Variants in DLG2 observed in about 807,000 individuals in gnomAD.
The protein encoded by DLG2 is discs large MAGUK scaffold protein 2.
Under a neutral mutation model 132.5 loss-of-function variants are expected in DLG2, and 45 were observed. The observed-to-expected ratio is 0.34, with a 90% CI of 0.27 to 0.44. The LOEUF (loss-of-function observed/expected upper bound fraction) is 0.44. Among genes scored for constraint, DLG2 ranks in the 20% least tolerant of loss-of-function variants. The probability of loss-of-function intolerance (pLI) is 1.00; values close to 1 mark genes in which losing one functional copy is unlikely to be tolerated. For synonymous variants in DLG2, 424 were observed against 419.6 expected (o/e 1.01, Z -0.13); for missense variants, 1,045 against 1,196.9 (o/e 0.87, Z 1.87).
At chr11:84,607,558 TTAAA>T (rs1180430438) in intron 6 of DLG2, among the ~76,000 whole-genome samples, 2 of 152,064 alleles carry the variant, frequency 1.3e-5, no homozygotes, top group African/African-American at 4.8e-5. Flanking sequence ...CCTGAACTTA[TTAAA>T]TAAAGAGTCA....
rs538700159 is a variant in DLG2, at chr11:84,272,911, A to G, written c.520-21620T>C. Among the ~76,000 whole-genome samples, 52 of 152,278 alleles carry G rather than the reference A, an allele frequency of 3.4e-4. 1 individual carries two copies. In the South Asian group the frequency reaches 0.011, roughly 32 times the overall value. On this transcript the variant is annotated intron_variant, in intron 7 of 27. Transcript: ENST00000376104. ...GCCACTATTAGAAACTACTGTCTTC[A>G]GTGGGATGAGTTTGATTGGACCACT...
intron 3 of DLG2, among the ~76,000 whole-genome samples, chr11:85,550,210 T>C (rs1300309366): frequency 6.6e-6 from 1 of 152,208 alleles, no homozygotes; most frequent in Non-Finnish European, 1.5e-5. Flanking sequence ...GACGTCATAC[T>C]GGCCCTTTGC....
chr11:84,085,972 G>T (rs1398280268), intron 10 of DLG2, among the ~76,000 whole-genome samples: 1 of 152,150 alleles, frequency 6.6e-6, no homozygotes, highest in Non-Finnish European at 1.5e-5. Context: ...AAACAGAAAT[G>T]CTATTTATCA....
intron 19 of DLG2, among the ~76,000 whole-genome samples, chr11:83,551,022 T>C (rs1389110702): frequency 6.6e-6 from 1 of 152,196 alleles, no homozygotes; most frequent in Non-Finnish European, 1.5e-5. Context: ...GTGAAGATCA[T>C]GAGATGGTAA....
At chr11:85,065,804 G>C (rs1479069801) in intron 6 of DLG2, among the ~76,000 whole-genome samples, 3 of 150,776 alleles carry the variant, frequency 2.0e-5, no homozygotes, top group African/African-American at 7.3e-5. Context: ...AAATCTCTGG[G>C]GTACAGAAAA....
intron 5 of DLG2, among the ~76,000 whole-genome samples, chr11:85,121,957 G>C (rs2074378522): frequency 6.6e-6 from 1 of 152,132 alleles, no homozygotes; most frequent in African/African-American, 2.4e-5. Flanking sequence ...AGTGTTGTGT[G>C]TGTGTGTAGT....
intron 6 of DLG2, among the ~76,000 whole-genome samples, chr11:85,085,953 C>G (rs931144984): frequency 2.0e-5 from 3 of 152,108 alleles, no homozygotes; most frequent in Non-Finnish European, 4.4e-5. Flanking sequence ...TATGTCTATC[C>G]TAAGTGGTTA....
At chr11:83,883,272 T>C (rs1315599396) in intron 15 of DLG2, among the ~76,000 whole-genome samples, 6 of 152,356 alleles carry the variant, frequency 3.9e-5, no homozygotes, top group East Asian at 1.9e-4. Flanking sequence ...TTATTTCCAA[T>C]GTCTAAATTG....
intron 18 of DLG2, among the ~76,000 whole-genome samples, chr11:83,697,066 G>C (rs73509241): frequency 2.6e-5 from 4 of 152,144 alleles, no homozygotes; most frequent in Admixed American, 1.3e-4. Context: ...GGTGTTCAAC[G>C]TAAGAATAAC....
At chr11:85,166,181 A>G (rs937279166) in intron 4 of DLG2, among the ~76,000 whole-genome samples, 10 of 151,826 alleles carry the variant, frequency 6.6e-5, no homozygotes, top group African/African-American at 2.4e-4. Context: ...TTGCCACCCA[A>G]TCTCTTGAAC....
intron 7 of DLG2, among the ~76,000 whole-genome samples, chr11:84,458,733 C>T (rs988174829): frequency 3.3e-5 from 5 of 150,594 alleles, no homozygotes; most frequent in African/African-American, 9.7e-5. Context: ...GTTGCATTTA[C>T]GATTAGAATG....
At chr11:85,268,653 C>A (rs2077356138) in intron 4 of DLG2, among the ~76,000 whole-genome samples, 1 of 152,148 alleles carries the variant, frequency 6.6e-6, no homozygotes. Context: ...ATTGTTATCC[C>A]TTTTTCAGAA....
At chr11:84,466,314 C>A (rs1474264584) in intron 7 of DLG2, among the ~76,000 whole-genome samples, 1 of 151,126 alleles carries the variant, frequency 6.6e-6, no homozygotes, top group East Asian at 2.0e-4. Flanking sequence ...ATGATGCAAA[C>A]ATATGTGCTC....
intron 6 of DLG2, among the ~76,000 whole-genome samples, chr11:85,086,915 T>C (rs2068006776): frequency 6.6e-6 from 1 of 152,234 alleles, no homozygotes; most frequent in Admixed American, 6.5e-5. Flanking sequence ...ACAGTAAGTT[T>C]AACATAATAC....
rs145318687 is a variant in DLG2 at position 84,187,058 on chromosome 11, T to C, written c.574-23547A>G. Among the ~76,000 whole-genome samples the C allele has an allele frequency of 6.2e-3, 935 of 151,286 alleles. 6 individuals are homozygous for C. The highest frequency in any genetic ancestry group is 9.4e-3 in the Non-Finnish European group (640 of 67,764). Reference sequence around the variant, plus strand: ...ACACTTCACACTGATGTTTAATGAGTTTGCCAAAATTCCCAGGCATAATTT... The same window carrying C: ...ACACTTCACACTGATGTTTAATGAGCTTGCCAAAATTCCCAGGCATAATTT... On this transcript the variant is annotated intron_variant, in intron 8 of 27. Coordinates refer to ENST00000376104, the MANE Select transcript of DLG2 (RefSeq NM_001142699.3).
In DLG2 at chr11:84,928,838, T is replaced by C. The variant is rs2047707236; in HGVS notation, c.357+182823A>G. 2.0e-5 allele frequency among the ~76,000 whole-genome samples: 3 copies of C among 151,260 alleles called. No individual in the cohort carries two copies. In the South Asian group the frequency reaches 6.2e-4, roughly 31 times the overall value. Reference sequence around the variant, plus strand: ...AAAGTCATAAGATAATGCATTTATATACCTGGAAGTGTATAAAATATATAA... The same window carrying C: ...AAAGTCATAAGATAATGCATTTATACACCTGGAAGTGTATAAAATATATAA... On this transcript the variant is annotated intron_variant, in intron 6 of 27. Coordinates refer to ENST00000376104, the MANE Select transcript of DLG2 (RefSeq NM_001142699.3).
chr11:83,603,479 T>A (rs540456263), intron 19 of DLG2, among the ~76,000 whole-genome samples: 128 of 152,332 alleles, frequency 8.4e-4, no homozygotes, highest in Non-Finnish European at 1.4e-3. Flanking sequence ...GTTATACATG[T>A]CTTCTATCCC....
rs1450406199 is a variant in DLG2 at position 84,857,073 on chromosome 11, C to G, written c.357+254588G>C. ...TCTTTGAAGCCATTGGTAAAATTAC[C>G]AATGGCTTCAAAGATGCCAAATAAA... On this transcript the variant is annotated intron_variant, in intron 6 of 27. Coordinates refer to ENST00000376104, the MANE Select transcript of DLG2 (RefSeq NM_001142699.3). 2.0e-5 allele frequency among the ~76,000 whole-genome samples: 3 copies of G among 150,310 alleles called. No homozygotes were observed. In the East Asian group the frequency reaches 6.0e-4, roughly 30 times the overall value.
chr11:84,273,359 A>ATTAG, intron 7 of DLG2: 1 of 1,319,490 alleles, frequency 7.6e-7, no homozygotes, highest in Non-Finnish European at 9.7e-7. Flanking sequence ...AAACTTCTTA[A>ATTAG]TTAGATCTGC....
Sources: gnomAD v4.1 joint callset for allele counts (sites outside exome capture counted in the v4.1 genomes callset) on GRCh38, gnomAD v4.1.1 for gene constraint, MANE v1.5 for transcripts, NCBI Gene and HGNC (gene_info 2026-07-23, HGNC 2026-07-21) for gene names.